USP6NL: variants seen among roughly 807,000 people sequenced by gnomAD.
The protein encoded by USP6NL is USP6 N-terminal like.
USP6NL carries 26 observed loss-of-function variants against 61.9 expected under a neutral mutation model. That is an observed-to-expected ratio of 0.42 (90% CI 0.31 to 0.58). USP6NL has a LOEUF of 0.58. USP6NL is among the 20% of genes least tolerant of loss of function. The pLI is 0.16. For synonymous variants in USP6NL, 432 were observed against 390.1 expected (o/e 1.11, Z -1.27); for missense variants, 1,114 against 1,034.3 (o/e 1.08, Z -1.06).
At chr10:11,508,338 G>A (rs1177179767) in intron 6 of USP6NL, among the ~76,000 whole-genome samples, 1 of 152,178 alleles carries the variant, frequency 6.6e-6, no homozygotes, top group African/African-American at 2.4e-5. Flanking sequence ...TCTCCATTCT[G>A]CAGATGAGGA....
rs892264833 is a variant in USP6NL at position 11,511,953 on chromosome 10, C to A, written c.196-2278G>T. Among the ~76,000 whole-genome samples, 1 of 152,092 alleles carries A rather than the reference C, an allele frequency of 6.6e-6. No homozygotes were observed. The highest frequency in any genetic ancestry group is 6.5e-5 in the Admixed American group (1 of 15,274). On this transcript the variant is annotated intron_variant, in intron 5 of 14. Transcript: ENST00000609104. The surrounding 1 kb of genome is among the most constrained non-coding windows in gnomAD (Gnocchi z 4.9). The stretch of plus-strand genomic sequence containing the variant: ...CATTCAACAATACCAAACTTGAATG[C>A]ACATGAAAGTCTCTTTCCCCCAATC...
chr10:11,604,865 G>A (rs1399306568), intron 1 of USP6NL, among the ~76,000 whole-genome samples: 1 of 152,044 alleles, frequency 6.6e-6, no homozygotes, highest in African/African-American at 2.4e-5. Context: ...ATAATATGCT[G>A]TAATAAAAGG....
chr10:11,577,818 G>C (rs1238513399), intron 2 of USP6NL, among the ~76,000 whole-genome samples: 1 of 152,164 alleles, frequency 6.6e-6, no homozygotes, highest in Non-Finnish European at 1.5e-5. Flanking sequence ...TTACAGGCGT[G>C]AGCCACTGTG....
At chr10:11,566,283 T>C (rs1406566629) in intron 2 of USP6NL, among the ~76,000 whole-genome samples, 2 of 152,116 alleles carry the variant, frequency 1.3e-5, no homozygotes, top group Non-Finnish European at 2.9e-5. Flanking sequence ...TTGGCATATA[T>C]AAACAGTTTC....
chr10:11,542,340 A>T (rs1362195980), intron 2 of USP6NL, among the ~76,000 whole-genome samples: 1 of 152,242 alleles, frequency 6.6e-6, no homozygotes, highest in Non-Finnish European at 1.5e-5. Context: ...GATGTTTTTT[A>T]AATGCTACAA....
chr10:11,504,738 G>A (rs368064001), intron 6 of USP6NL, among the ~76,000 whole-genome samples: 4 of 152,198 alleles, frequency 2.6e-5, no homozygotes, highest in African/African-American at 4.8e-5. Context: ...AGCTCACAGC[G>A]TACTGGGAAG....
intron 2 of USP6NL, among the ~76,000 whole-genome samples, chr10:11,544,908 T>G (rs1452468216): frequency 6.6e-6 from 1 of 152,162 alleles, no homozygotes; most frequent in African/African-American, 2.4e-5. Flanking sequence ...CAAAATTATA[T>G]GTACTGATTT....
chr10:11,569,201 GA>G (rs1372967584), intron 2 of USP6NL, among the ~76,000 whole-genome samples: 1 of 152,162 alleles, frequency 6.6e-6, no homozygotes, highest in Non-Finnish European at 1.5e-5. Flanking sequence ...AATATAAGCT[GA>G]AAACGATTAT....
rs1438145523 is a variant in USP6NL, at chr10:11,602,199, A to G, written c.-83-4482T>C. ...ACAATGAATGAATAAACAACGAGCAACGTATTTAACGCAACTTTCTCATCA... is the reference window on the plus strand; with the variant it reads ...ACAATGAATGAATAAACAACGAGCAGCGTATTTAACGCAACTTTCTCATCA... On this transcript the variant is annotated intron_variant, in intron 1 of 14. Coordinates refer to ENST00000609104, the MANE Select transcript of USP6NL (RefSeq NM_014688.5). The surrounding 1 kb of genome is among the most constrained non-coding windows in gnomAD (Gnocchi z 4.8). Among the ~76,000 whole-genome samples the G allele has an allele frequency of 6.6e-6, 1 of 152,146 alleles. No individual in the cohort carries two copies. The highest frequency in any genetic ancestry group is 6.5e-5 in the Admixed American group (1 of 15,278).
In USP6NL at chr10:11,587,303, G is replaced by C. The variant is rs1838007297; in HGVS notation, c.4+10328C>G. Among the ~76,000 whole-genome samples the C allele has an allele frequency of 1.3e-5, 2 of 152,076 alleles. No homozygotes were observed. Among genetic ancestry groups the C allele is most frequent in the African/African-American group, 4.8e-5 (2 of 41,424 alleles). ...CACCATGACCCCTAAAATATTTTAAGAAATTAATTTATAGTATCATGTGTC... is the reference window on the plus strand; with the variant it reads ...CACCATGACCCCTAAAATATTTTAACAAATTAATTTATAGTATCATGTGTC... On this transcript the variant is annotated intron_variant, in intron 2 of 14. Transcript: ENST00000609104. This position sits in a 1 kb window ranked among gnomAD's most constrained non-coding sequence, Gnocchi z 4.5.
intron 2 of USP6NL, among the ~76,000 whole-genome samples, chr10:11,579,960 T>TGCGGG (rs1555173666): frequency 1.0e-3 from 98 of 98,008 alleles, no homozygotes; most frequent in African/African-American, 2.8e-3. Flanking sequence ...CAGTGGAGAG[T>TGCGGG]GGCGGGGGGG....
intron 14 of USP6NL, among the ~76,000 whole-genome samples, chr10:11,477,914 G>A (rs532556213): frequency 7.9e-5 from 12 of 152,290 alleles, no homozygotes; most frequent in African/African-American, 2.9e-4. Context: ...CTTAAAAACA[G>A]TAATAGATGA....
Position 11,596,921 on chromosome 10 carries a change from C to T in USP6NL, c.4+710G>A, listed in dbSNP as rs1838349214. ...AAAAACATTTAAACTCTAATATCATCTTCCAATAAGAAAATGCTCATTGCA... is the reference window on the plus strand; with the variant it reads ...AAAAACATTTAAACTCTAATATCATTTTCCAATAAGAAAATGCTCATTGCA... On this transcript the variant is annotated intron_variant, in intron 2 of 14. Transcript: ENST00000609104. The surrounding 1 kb of genome is among the most constrained non-coding windows in gnomAD (Gnocchi z 4.1). Among the ~76,000 whole-genome samples, 1 of 152,112 alleles carries T rather than the reference C, an allele frequency of 6.6e-6. No individual in the cohort carries two copies. Among genetic ancestry groups the T allele is most frequent in the South Asian group, 2.1e-4 (1 of 4,820 alleles).
rs1293808968 is a variant in USP6NL, at chr10:11,595,462, G to A, written c.4+2169C>T. ...AAATGCTTCTACTAACTGTGCTGAG[G>A]CTACAGCTTATAAGAGGTTGCTGAC... is the stretch of plus-strand genomic sequence containing the variant. On this transcript the variant is annotated intron_variant, in intron 2 of 14. Transcript: ENST00000609104. This position sits in a 1 kb window ranked among gnomAD's most constrained non-coding sequence, Gnocchi z 5.3. Among the ~76,000 whole-genome samples, 1 of 152,112 alleles carries A rather than the reference G, an allele frequency of 6.6e-6. No individual in the cohort carries two copies. The highest frequency in any genetic ancestry group is 2.4e-5 in the African/African-American group (1 of 41,414).
chr10:11,601,929 A>T (rs1838543608), intron 1 of USP6NL, among the ~76,000 whole-genome samples: 1 of 152,150 alleles, frequency 6.6e-6, no homozygotes, highest in South Asian at 2.1e-4. Context: ...TTTTCACAGA[A>T]ATTCCTAGAT....
chr10:11,532,402 A>G lies in USP6NL; in HGVS notation c.5-4835T>C. ...AACAAGCACAAGAAGAAAAAGTTTG[A>G]GATGCACTCTGTCTTCTTCTAAGGG... On this transcript the variant is annotated intron_variant, in intron 2 of 14. Coordinates refer to ENST00000609104, the MANE Select transcript of USP6NL (RefSeq NM_014688.5). The surrounding 1 kb of genome is among the most constrained non-coding windows in gnomAD (Gnocchi z 4.1). 1.8e-6 allele frequency: 1 copy of G among 544,402 alleles called. No homozygotes were observed. 33.7% of individuals were successfully genotyped at this position (544,402 alleles called of 1,614,324 possible).
intron 2 of USP6NL, among the ~76,000 whole-genome samples, chr10:11,555,254 A>G (rs1420519013): frequency 6.8e-6 from 1 of 147,778 alleles, no homozygotes; most frequent in Non-Finnish European, 1.5e-5. Context: ...CGTCTCTACT[A>G]AAGTACAAAA....
In USP6NL at chr10:11,537,609, T is replaced by A. The variant is rs1247157373; in HGVS notation, c.5-10042A>T. On this transcript the variant is annotated intron_variant, in intron 2 of 14. Coordinates refer to ENST00000609104, the MANE Select transcript of USP6NL (RefSeq NM_014688.5). The surrounding 1 kb of genome is among the most constrained non-coding windows in gnomAD (Gnocchi z 5.1). The stretch of plus-strand genomic sequence containing the variant: ...ATCATGCTTCAAATTAATACTTTTT[T>A]ATTTTTTCATTAAATTTGCAGAATA... Among the ~76,000 whole-genome samples the A allele has an allele frequency of 6.6e-6, 1 of 152,248 alleles. No homozygotes were observed. The highest frequency in any genetic ancestry group is 1.5e-5 in the Non-Finnish European group (1 of 68,040).
intron 6 of USP6NL, among the ~76,000 whole-genome samples, chr10:11,506,259 G>A (rs536569752): frequency 3.9e-5 from 6 of 152,330 alleles, no homozygotes; most frequent in African/African-American, 1.4e-4. Flanking sequence ...GCACTTTGCT[G>A]TGACATAGCT....
Sources: allele counts gnomAD v4.1 joint callset (sites outside exome capture counted in the v4.1 genomes callset), GRCh38; gene constraint gnomAD v4.1.1; non-coding constraint Gnocchi (gnomAD v3.1); transcripts MANE v1.5; gene names NCBI Gene and HGNC (gene_info 2026-07-23, HGNC 2026-07-21).